Variants in GRTP1 observed in about 807,000 individuals in gnomAD.
GRTP1 encodes the protein growth hormone regulated TBC protein 1.
GRTP1 carries 56 observed loss-of-function variants against 38.1 expected under a neutral mutation model. The ratio of observed to expected loss-of-function variants is 1.47; its 90% CI spans 1.19 to 1.84. GRTP1 has a LOEUF of 1.84. GRTP1 is among the 40% of genes most tolerant of loss of function. GRTP1 has a pLI of 0.00. For synonymous variants in GRTP1, 217 were observed against 189.5 expected (o/e 1.14, Z -1.19); for missense variants, 506 against 453.9 (o/e 1.11, Z -1.04).
rs530816633 is a variant in GRTP1 at position 113,324,786 on chromosome 13, A to G, written c.922-209T>C. 1.1e-5 allele frequency: 14 copies of G among 1,316,516 alleles called. No individual in the cohort carries two copies. The African/African-American group carries it at 1.8e-4, about 17-fold the overall frequency. 81.6% of individuals were successfully genotyped at this position (1,316,516 alleles called of 1,614,324 possible). A position where few individuals can be genotyped will look rare whatever the true frequency, so the allele number is the denominator to read the frequency against. ...CAGCTTTGCTGCTCAGAAATGTTAA[A>G]TGAATCAAACGGTGGAAGAAAAGGC... On this transcript the variant is annotated intron_variant, in intron 7 of 7. Coordinates refer to ENST00000375431, the MANE Select transcript of GRTP1 (RefSeq NM_024719.4).
intron 6 of GRTP1, 36 bp from the exon 7 acceptor site, chr13:113,325,882 C>T (rs369543196): frequency 3.0e-5 from 49 of 1,613,616 alleles, no homozygotes; most frequent in East Asian, 1.8e-4. Flanking sequence ...CACTCCCTGG[C>T]GGCCCGCCCG....
At chr13:113,347,123 C>T (rs1212395505) in intron 4 of GRTP1, among the ~76,000 whole-genome samples, 14 of 42,314 alleles carry the variant, frequency 3.3e-4, no homozygotes, top group Non-Finnish European at 3.9e-4. Flanking sequence ...AGAGAGCAGA[C>T]CCGGGAGGAC....
rs1038185067 is a variant in GRTP1, at chr13:113,343,692, A to C, written c.562+1171T>G. Among the ~76,000 whole-genome samples, 2 of 152,202 alleles carry C rather than the reference A, an allele frequency of 1.3e-5. No individual in the cohort carries two copies. The highest frequency in any genetic ancestry group is 2.9e-5 in the Non-Finnish European group (2 of 68,034). ...CGTGTGGTGTGGCTGTTCTGAGGAC[A>C]AGCGCAGCTCAGCAGGAAACTGACA... On this transcript the variant is annotated intron_variant, in intron 5 of 7. Coordinates refer to ENST00000375431, the MANE Select transcript of GRTP1 (RefSeq NM_024719.4). This position sits in a 1 kb window ranked among gnomAD's most constrained non-coding sequence, Gnocchi z 4.8.
intron 5 of GRTP1, among the ~76,000 whole-genome samples, chr13:113,334,713 G>A (rs1012452635): frequency 3.9e-5 from 6 of 152,192 alleles, no homozygotes; most frequent in Non-Finnish European, 7.4e-5. Context: ...AGGGAGAGCC[G>A]TGAGCAGCAA....
At position 113,355,386 on chromosome 13, in the gene GRTP1, C is replaced by T. The variant is rs199986863; in HGVS notation, c.277G>A (p.Gly93Ser). ...GAQAQMDQNP[G>S]YYHQLLQGER... The stretch of plus-strand genomic sequence containing the variant: ...CCCTGGAGAAGCTGGTGGTAGTAGC[C>T]GGGATTCTGGTCCATCTGCGCCTGG... The change falls in exon 3 of 8, where the codon GGC (glycine) becomes AGC (serine). Residue 93 changes from glycine to serine, a missense_variant. Gly to Ser is a moderately conservative substitution (Grantham distance 56, BLOSUM62 0). Coordinates refer to ENST00000375431, the MANE Select transcript of GRTP1 (RefSeq NM_024719.4). 1.2e-5 allele frequency: 20 copies of T among 1,614,096 alleles called. No individual in the cohort carries two copies. The highest frequency in any genetic ancestry group is 4.0e-5 in the African/African-American group (3 of 75,038).
intron 5 of GRTP1, among the ~76,000 whole-genome samples, chr13:113,327,784 A>G (rs2042796581): frequency 6.6e-6 from 1 of 152,226 alleles, no homozygotes; most frequent in Non-Finnish European, 1.5e-5. Context: ...AGAACCATCA[A>G]TCAGTGCCCA....
rs1346478556 is a variant in GRTP1, at chr13:113,348,658, G to A, written c.465+2191C>T. Among the ~76,000 whole-genome samples, 1 of 152,112 alleles carries A rather than the reference G, an allele frequency of 6.6e-6. No homozygotes were observed. The highest frequency in any genetic ancestry group is 1.5e-5 in the Non-Finnish European group (1 of 68,044). On this transcript the variant is annotated intron_variant, in intron 4 of 7. Transcript: ENST00000375431. The surrounding 1 kb of genome is among the most constrained non-coding windows in gnomAD (Gnocchi z 4.8). ...GTCTTACGTGGAGCTTTAGACACAG[G>A]CATGCACAGGAGAACGCACATGGAG...
intron 3 of GRTP1, among the ~76,000 whole-genome samples, chr13:113,354,409 T>A (rs2043341422): frequency 6.6e-6 from 1 of 152,254 alleles, no homozygotes; most frequent in Non-Finnish European, 1.5e-5. Context: ...TCTCAGCACT[T>A]TAAAGCCACT....
At chr13:113,347,139 T>A (rs1423682186) in intron 4 of GRTP1, among the ~76,000 whole-genome samples, 5 of 62,726 alleles carry the variant, frequency 8.0e-5, no homozygotes, top group African/African-American at 2.3e-4. Flanking sequence ...AGGACCTCTG[T>A]GGCAGAGAGC....
chr13:113,332,193 A>C (rs1025794739), intron 5 of GRTP1, among the ~76,000 whole-genome samples: 2 of 152,152 alleles, frequency 1.3e-5, no homozygotes, highest in African/African-American at 4.8e-5. Context: ...ACATTTCAGC[A>C]CATTTGCTCC....
intron 4 of GRTP1, 26 bp downstream of exon 4, chr13:113,350,823 T>G: frequency 6.5e-7 from 1 of 1,539,372 alleles, no homozygotes. Flanking sequence ...AGCCACCTCA[T>G]GGCGTCAGAG....
In GRTP1 at chr13:113,344,304, A is replaced by G. The variant is rs536864833; in HGVS notation, c.562+559T>C. Among the ~76,000 whole-genome samples the G allele has an allele frequency of 5.3e-5, 8 of 152,372 alleles. No homozygotes were observed. The South Asian group carries it at 1.4e-3, about 28-fold the overall frequency. On this transcript the variant is annotated intron_variant, in intron 5 of 7. Transcript: ENST00000375431. ...CAGCCCCAGCTGCCCACAAGGGCTA[A>G]GAGACGGCAAAAGGCCCTCTGCCGT... is the stretch of plus-strand genomic sequence containing the variant.
rs1595469154 is a variant in GRTP1, at chr13:113,325,714, A to G, written c.868T>C (p.Phe290Leu). Residue 290 changes from phenylalanine (F) to leucine (L), a missense_variant, in exon 7 of 8, where the codon TTT (phenylalanine) becomes CTT (leucine). Transcript: ENST00000375431. ...ATSVPDICDK[F>L]KQITKGSFVM... ...AAACTCCCTTTGGTTATCTGCTTAA[A>G]CTTATCGCAAATGTCTGGAACGCTG... is the stretch of plus-strand genomic sequence containing the variant. 1.2e-6 allele frequency: 2 copies of G among 1,614,064 alleles called. No individual in the cohort carries two copies. Among genetic ancestry groups the G allele is most frequent in the Non-Finnish European group, 1.7e-6 (2 of 1,180,038 alleles).
At chr13:113,341,972 G>A (rs998185517) in intron 5 of GRTP1, among the ~76,000 whole-genome samples, 6 of 151,856 alleles carry the variant, frequency 4.0e-5, no homozygotes, top group African/African-American at 1.2e-4. Flanking sequence ...TTGAGATGGA[G>A]TCTCGCTCCG....
chr13:113,355,433 A>G lies in GRTP1; in HGVS notation c.230T>C (p.Val77Ala). 1 of 1,613,920 alleles carries G rather than the reference A, an allele frequency of 6.2e-7. No individual in the cohort carries two copies. Among genetic ancestry groups the G allele is most frequent in the Non-Finnish European group, 8.5e-7 (1 of 1,179,914 alleles). The change falls in exon 3 of 8, where the codon GTC (valine) becomes GCC (alanine). Residue 77 changes from valine (V) to alanine (A), a missense_variant. By Grantham distance (64) the Val-to-Ala change is moderately conservative (BLOSUM62 0). Transcript: ENST00000375431. The stretch of plus-strand genomic sequence containing the variant: ...CTGGGCCCCACTCAGCACCATCCAG[A>G]CGCGGGCACGGTGCTCCAGCGGGAC... ...KGVPLEHRAR[V>A]WMVLSGAQAQ...
chr13:113,339,362 T>C (rs1455574316), intron 5 of GRTP1: 1 of 152,260 alleles, frequency 6.6e-6, no homozygotes, highest in Non-Finnish European at 1.5e-5. Context: ...TAAATTTTCA[T>C]GTAATTAAAA....
At chr13:113,347,703 T>A (rs1357907917) in intron 4 of GRTP1, among the ~76,000 whole-genome samples, 3 of 102,658 alleles carry the variant, frequency 2.9e-5, no homozygotes, top group African/African-American at 8.6e-5. Flanking sequence ...AGGACCTCTG[T>A]GGCAGAGAGC....
chr13:113,355,622 C>A, intron 2 of GRTP1, 141 bp from the exon 3 acceptor site: 1 of 994,568 alleles, frequency 1.0e-6, no homozygotes, highest in Non-Finnish European at 1.4e-6. Flanking sequence ...CCATCTCCAC[C>A]AAAACTGGTA....
chr13:113,325,868 G>A (rs375092596), intron 6 of GRTP1, 22 bp from the exon 7 acceptor site: 194 of 1,613,736 alleles, frequency 1.2e-4, no homozygotes, highest in Non-Finnish European at 1.5e-4. Flanking sequence ...TGGGAACCCG[G>A]TGTCACTCCC....
Sources: gnomAD v4.1 joint callset for allele counts (sites outside exome capture counted in the v4.1 genomes callset) on GRCh38, gnomAD v4.1.1 for gene constraint, Gnocchi (gnomAD v3.1) non-coding constraint, MANE v1.5 for transcripts, NCBI Gene and HGNC (gene_info 2026-07-23, HGNC 2026-07-21) for gene names.